Variants in CXCL3 observed in about 807,000 individuals in gnomAD.
The protein encoded by CXCL3 is C-X-C motif chemokine 3.
CXCL3 carries 10 observed loss-of-function variants against 11.5 expected under a neutral mutation model. The observed-to-expected ratio is 0.87, with a 90% CI of 0.54 to 1.48. The LOEUF (loss-of-function observed/expected upper bound fraction) is 1.48. Among genes scored for constraint, CXCL3 ranks in the 40% most tolerant of loss-of-function variants. The probability of loss-of-function intolerance (pLI) is 0.00; values close to 1 mark genes in which losing one functional copy is unlikely to be tolerated. For synonymous variants in CXCL3, 61 were observed against 60.9 expected, an observed-to-expected ratio of 1.00 and a Z score of -0.01; for missense variants, 149 against 139.1, an observed-to-expected ratio of 1.07 and a Z score of -0.36.
chr4:74,036,809 T>A lies in CXCL3; in HGVS notation c.*453A>T, dbSNP rs928339248. ...ATAAATAACAACTGACATTCTTTTT[T>A]TAAAAAAAAAGTATAAAAAATAGAT... On this transcript the variant is annotated 3_prime_UTR_variant, in exon 4 of 4. Coordinates refer to ENST00000296026, the MANE Select transcript of CXCL3 (RefSeq NM_002090.3). 2.0e-5 allele frequency: 3 copies of A among 153,052 alleles called. No homozygotes were observed. The highest frequency in any genetic ancestry group is 7.2e-5 in the African/African-American group (3 of 41,400). The allele number at this position is 153,052 out of a possible 1,614,324, so 9.5% of individuals were successfully genotyped here. A position where few individuals can be genotyped will look rare whatever the true frequency, so the allele number is the denominator to read the frequency against.
chr4:74,038,078 G>T lies in CXCL3; in HGVS notation c.308+15C>A. ...ACGGCTCCAGTCGCCTGTGTATATGGAAATTACAACTCACTTGTTCAGTAT... is the reference window on the plus strand; with the variant it reads ...ACGGCTCCAGTCGCCTGTGTATATGTAAATTACAACTCACTTGTTCAGTAT... On this transcript the variant is annotated intron_variant, in intron 3 of 3. Coordinates refer to ENST00000296026, the MANE Select transcript of CXCL3 (RefSeq NM_002090.3). 1 of 1,613,642 alleles carries T rather than the reference G, an allele frequency of 6.2e-7. No individual in the cohort carries two copies. The highest frequency in any genetic ancestry group is 8.5e-7 in the Non-Finnish European group (1 of 1,179,630).
At chr4:74,037,647 C>G in intron 3 of CXCL3, 1 of 292,856 alleles carries the variant, frequency 3.4e-6, no homozygotes, top group South Asian at 4.1e-5. Flanking sequence ...GATTAAATAA[C>G]GTTGACAGGG....
At chr4:74,038,204 C>T in intron 2 of CXCL3, 28 bp from the exon 3 acceptor site, 1 of 1,613,926 alleles carries the variant, frequency 6.2e-7, no homozygotes, top group African/African-American at 1.3e-5. Context: ...TTCCGTGAGA[C>T]AGGAGGTCGG....
intron 1 of CXCL3, 33 bp downstream of exon 1, chr4:74,038,479 C>G (rs1279015798): frequency 6.3e-7 from 1 of 1,575,494 alleles, no homozygotes; most frequent in Non-Finnish European, 8.6e-7. Flanking sequence ...CCAGCCGCGT[C>G]CGGCCCGGGG....
Position 74,037,182 on chromosome 4 carries a change from A to G in CXCL3, c.*80T>C. ...CTAGAAAGCTGCTGTTCTCTTTTTC[A>G]TTTTCAGCTCTGGTAAGGGCAGGGA... On this transcript the variant is annotated 3_prime_UTR_variant, in exon 4 of 4. Coordinates refer to ENST00000296026, the MANE Select transcript of CXCL3 (RefSeq NM_002090.3). 1 of 1,548,638 alleles carries G rather than the reference A, an allele frequency of 6.5e-7. No individual in the cohort carries two copies. The highest frequency in any genetic ancestry group is 8.9e-7 in the Non-Finnish European group (1 of 1,128,664).
In CXCL3 at chr4:74,036,729, G is replaced by A. The variant is rs199936057; in HGVS notation, c.*533C>T. 6.6e-6 allele frequency: 1 copy of A among 152,330 alleles called. No individual in the cohort carries two copies. Among genetic ancestry groups the A allele is most frequent in the Non-Finnish European group, 1.5e-5 (1 of 68,222 alleles). The allele number at this position is 152,330 out of a possible 1,614,324, so 9.4% of individuals were successfully genotyped here. On this transcript the variant is annotated 3_prime_UTR_variant, in exon 4 of 4. Coordinates refer to ENST00000296026, the MANE Select transcript of CXCL3 (RefSeq NM_002090.3). ...ATGCCCTACAAGCAAGACATAAAAT[G>A]TCTAAGGGAAACTTCAGCATAAAAA...
chr4:74,036,939 C>T lies in CXCL3; in HGVS notation c.*323G>A, dbSNP rs1401045390. On this transcript the variant is annotated 3_prime_UTR_variant, in exon 4 of 4. Coordinates refer to ENST00000296026, the MANE Select transcript of CXCL3 (RefSeq NM_002090.3). The stretch of plus-strand genomic sequence containing the variant: ...CTGTCATTTATCAAGGTGGCTGACA[C>T]ATTATGGTCTCCCACTAAATATTAG... The T allele has an allele frequency of 4.3e-6, 1 of 233,270 alleles. No individual in the cohort carries two copies. The highest frequency in any genetic ancestry group is 2.3e-5 in the African/African-American group (1 of 44,204). 14.5% of individuals were successfully genotyped at this position (233,270 alleles called of 1,614,324 possible).
At position 74,038,493 on chromosome 4, in the gene CXCL3, C is replaced by A. The variant is rs1192162708; in HGVS notation, c.100+19G>T. 6.4e-7 allele frequency: 1 copy of A among 1,562,290 alleles called. No homozygotes were observed. The highest frequency in any genetic ancestry group is 1.4e-5 in the African/African-American group (1 of 70,404). ...CCCAGCCGCGTCCGGCCCGGGGACC[C>A]CAGGGCGCCGGGACCCACCTGCTGC... On this transcript the variant is annotated intron_variant, in intron 1 of 3. Coordinates refer to ENST00000296026, the MANE Select transcript of CXCL3 (RefSeq NM_002090.3).
rs1412416206 is a variant in CXCL3 at position 74,036,812 on chromosome 4, A to T, written c.*450T>A. The T allele has an allele frequency of 6.5e-6, 1 of 152,722 alleles. No homozygotes were observed. Among genetic ancestry groups the T allele is most frequent in the Non-Finnish European group, 1.5e-5 (1 of 68,590 alleles). The allele number at this position is 152,722 out of a possible 1,614,324, so 9.5% of individuals were successfully genotyped here. A position where few individuals can be genotyped will look rare whatever the true frequency, so the allele number is the denominator to read the frequency against. Reference sequence around the variant, plus strand: ...AATAACAACTGACATTCTTTTTTTAAAAAAAAAGTATAAAAAATAGATGTG... The same window carrying T: ...AATAACAACTGACATTCTTTTTTTATAAAAAAAGTATAAAAAATAGATGTG... On this transcript the variant is annotated 3_prime_UTR_variant, in exon 4 of 4. Transcript: ENST00000296026.
In CXCL3 at chr4:74,037,212, C is replaced by A; in HGVS notation, c.*50G>T. On this transcript the variant is annotated 3_prime_UTR_variant, in exon 4 of 4. Coordinates refer to ENST00000296026, the MANE Select transcript of CXCL3 (RefSeq NM_002090.3). ...CAGCTCTGGTAAGGGCAGGGACCACCCTGCAGGAAGTGTCAATGATACGCT... is the reference window on the plus strand; with the variant it reads ...CAGCTCTGGTAAGGGCAGGGACCACACTGCAGGAAGTGTCAATGATACGCT... 1 of 1,612,548 alleles carries A rather than the reference C, an allele frequency of 6.2e-7. No individual in the cohort carries two copies. Among genetic ancestry groups the A allele is most frequent in the Non-Finnish European group, 8.5e-7 (1 of 1,178,734 alleles).
At chr4:74,037,955 T>C (rs898610858) in intron 3 of CXCL3, 138 bp downstream of exon 3, 41 of 928,396 alleles carry the variant, frequency 4.4e-5, no homozygotes, top group Non-Finnish European at 6.5e-5. Flanking sequence ...ATGGCAACTT[T>C]AATTGTGAAA....
intron 3 of CXCL3, chr4:74,037,661 C>T (rs141122364): frequency 0.013 from 3,924 of 301,696 alleles, 50 homozygotes; most frequent in Non-Finnish European, 0.019. Flanking sequence ...GACAGGGATC[C>T]TAGCCTTGAA....
Position 74,038,636 on chromosome 4 carries a change from G to A in CXCL3, c.-25C>T, listed in dbSNP as rs1489459819. The A allele has an allele frequency of 1.4e-6, 2 of 1,416,332 alleles. No homozygotes were observed. Among genetic ancestry groups the A allele is most frequent in the South Asian group, 1.5e-5 (1 of 64,566 alleles). The allele number at this position is 1,416,332 out of a possible 1,614,324, so 87.7% of individuals were successfully genotyped here. A position where few individuals can be genotyped will look rare whatever the true frequency, so the allele number is the denominator to read the frequency against. ...TGGGGCTCAGCAGACGCGTCGGGAA[G>A]CTGTGCGAGAAGCGGGAGAGCTGGC... On this transcript the variant is annotated 5_prime_UTR_variant, in exon 1 of 4. Transcript: ENST00000296026.
At chr4:74,037,491 T>G in intron 3 of CXCL3, 1 of 554,432 alleles carries the variant, frequency 1.8e-6, no homozygotes, top group South Asian at 2.3e-5. Context: ...TGGACTCAAC[T>G]AGATTCTTGG....
intron 3 of CXCL3, 179 bp downstream of exon 3, chr4:74,037,914 C>T: frequency 3.0e-6 from 2 of 658,522 alleles, no homozygotes; most frequent in Non-Finnish European, 5.1e-6. Context: ...ACTGAAATAT[C>T]CTCTGGCACC....
intron 1 of CXCL3, 28 bp downstream of exon 1, chr4:74,038,484 C>T: frequency 6.4e-7 from 1 of 1,570,818 alleles, no homozygotes; most frequent in African/African-American, 1.4e-5. Context: ...CGCGTCCGGC[C>T]CGGGGACCCC....
chr4:74,038,501 C>T lies in CXCL3; in HGVS notation c.100+11G>A. ...CGTCCGGCCCGGGGACCCCAGGGCGCCGGGACCCACCTGCTGCGCGCCGGC... is the reference window on the plus strand; with the variant it reads ...CGTCCGGCCCGGGGACCCCAGGGCGTCGGGACCCACCTGCTGCGCGCCGGC... On this transcript the variant is annotated intron_variant, in intron 1 of 3. Transcript: ENST00000296026. 1 of 1,536,656 alleles carries T rather than the reference C, an allele frequency of 6.5e-7. No homozygotes were observed. Among genetic ancestry groups the T allele is most frequent in the Non-Finnish European group, 8.7e-7 (1 of 1,146,598 alleles).
Position 74,038,314 on chromosome 4 carries a change from G to T in CXCL3, c.200C>A (p.Pro67His). 1 of 1,614,074 alleles carries T rather than the reference G, an allele frequency of 6.2e-7. No individual in the cohort carries two copies. Among genetic ancestry groups the T allele is most frequent in the Non-Finnish European group, 8.5e-7 (1 of 1,179,970 alleles). ...CATGACTTCGGTTTGGGCGCAGTGGGGTCCGGGGGACCTTACATTCACACT... is the reference window on the plus strand; with the variant it reads ...CATGACTTCGGTTTGGGCGCAGTGGTGTCCGGGGGACCTTACATTCACACT... ...IQSVNVRSPG[P>H]HCAQTEVIAT... Residue 67 changes from proline to histidine, a missense_variant, in exon 2 of 4, where the codon CCC becomes CAC. Pro to His is a moderately conservative substitution (Grantham distance 77). Coordinates refer to ENST00000296026, the MANE Select transcript of CXCL3 (RefSeq NM_002090.3).
chr4:74,037,923 C>CCGTG, intron 3 of CXCL3, 170 bp downstream of exon 3: 1 of 697,404 alleles, frequency 1.4e-6, no homozygotes, highest in South Asian at 1.8e-5. Flanking sequence ...TCCTCTGGCA[C>CCGTG]CAGAGCAGAT....
Sources: gnomAD v4.1 joint callset for allele counts on GRCh38, gnomAD v4.1.1 for gene constraint, MANE v1.5 for transcripts, NCBI Gene and HGNC (gene_info 2026-07-23, HGNC 2026-07-21) for gene names.